The following INHBC variants were observed in gnomAD, a reference collection of about 807,000 sequenced individuals.
INHBC encodes inhibin subunit beta C.
A neutral mutation model predicts 12.4 loss-of-function variants in INHBC; 10 were observed. The observed-to-expected ratio is 0.81, with a 90% CI of 0.50 to 1.37. The LOEUF is 1.37. Among genes scored for constraint, INHBC ranks in the 40% most tolerant of loss-of-function variants. INHBC has a pLI of 0.00. For missense variants in INHBC, 382 were observed against 439.4 expected, an observed-to-expected ratio of 0.87 and a Z score of 1.17; for synonymous variants, 147 against 171.6, an observed-to-expected ratio of 0.86 and a Z score of 1.12.
intron 1 of INHBC, among the ~76,000 whole-genome samples, chr12:57,438,238 C>T: frequency 6.6e-6 from 1 of 152,114 alleles, no homozygotes; most frequent in East Asian, 1.9e-4. Flanking sequence ...ATTAAATGGG[C>T]TAATACAGGT....
chr12:57,439,965 C>A (rs905342073), intron 1 of INHBC, among the ~76,000 whole-genome samples: 1 of 152,190 alleles, frequency 6.6e-6, no homozygotes. Context: ...CCTGCTTCAG[C>A]GTCCTGAGTA....
chr12:57,435,134 C>G lies in INHBC; in HGVS notation c.248C>G (p.Pro83Arg), dbSNP rs1308553120. ...RTALQHLHGV[P>R]QGALLEDNRE... ...GCACTGCAGCACCTCCACGGGGTCC[C>G]ACAGGGGGCACTTCTAGAGGACAAC... The change falls in exon 1 of 2, where the codon CCA becomes CGA. Residue 83 changes from proline (P) to arginine (R), a missense_variant. By Grantham distance (103) the Pro-to-Arg change is moderately radical. Transcript: ENST00000309668. The G allele has an allele frequency of 6.2e-7, 1 of 1,614,058 alleles. No individual in the cohort carries two copies. Among genetic ancestry groups the G allele is most frequent in the East Asian group, 2.2e-5 (1 of 44,902 alleles).
rs1054341101 is a variant in INHBC at position 57,450,144 on chromosome 12, G to T, written c.*122G>T. ...CAGAATGTGGACTCCCTCTTCCTGA[G>T]CATCTTATGGAAATTACCCCACCTT... On this transcript the variant is annotated 3_prime_UTR_variant, in exon 2 of 2. Transcript: ENST00000309668. The T allele has an allele frequency of 3.7e-5, 40 of 1,093,518 alleles. No homozygotes were observed. Among genetic ancestry groups the T allele is most frequent in the Non-Finnish European group, 4.7e-5 (38 of 810,208 alleles). 67.7% of individuals were successfully genotyped at this position (1,093,518 alleles called of 1,614,324 possible). A position where few individuals can be genotyped will look rare whatever the true frequency, so the allele number is the denominator to read the frequency against.
At chr12:57,446,228 A>G (rs1248535447) in intron 1 of INHBC, among the ~76,000 whole-genome samples, 1 of 151,834 alleles carries the variant, frequency 6.6e-6, no homozygotes, top group African/African-American at 2.4e-5. Flanking sequence ...GAGCCACCAC[A>G]CCCGGCCTAA....
rs1344568722 is a variant in INHBC, at chr12:57,435,067, C to G, written c.181C>G (p.Pro61Ala). The G allele has an allele frequency of 6.2e-7, 1 of 1,614,198 alleles. No homozygotes were observed. Among genetic ancestry groups the G allele is most frequent in the Admixed American group, 1.7e-5 (1 of 60,016 alleles). The change falls in exon 1 of 2, where the codon CCA (proline) becomes GCA (alanine). Residue 61 changes from proline to alanine, a missense_variant. Transcript: ENST00000309668. The stretch of plus-strand genomic sequence containing the variant: ...GGACAAGCTGCACCTCACCCAGCGC[C>G]CAACACTGAACCGCCCTGTGTCCAG... The part of the protein sequence containing the change: ...ILDKLHLTQR[P>A]TLNRPVSRAA...
At chr12:57,449,139 C>T (rs753922340) in intron 1 of INHBC, 138 bp from the exon 2 acceptor site, 10 of 1,142,386 alleles carry the variant, frequency 8.8e-6, no homozygotes, top group Non-Finnish European at 1.2e-5. Context: ...ATTTCCAGCA[C>T]ATGAACTTTG....
At chr12:57,441,571 G>A (rs754918762) in intron 1 of INHBC, among the ~76,000 whole-genome samples, 1 of 147,434 alleles carries the variant, frequency 6.8e-6, no homozygotes, top group Non-Finnish European at 1.5e-5. Context: ...TTAGGTTTTT[G>A]TGATGGTAGC....
intron 1 of INHBC, among the ~76,000 whole-genome samples, chr12:57,443,272 C>T (rs1870507423): frequency 6.6e-6 from 1 of 151,106 alleles, no homozygotes; most frequent in African/African-American, 2.4e-5. Context: ...GGCGTGCCAC[C>T]ATGCCCAGCT....
intron 1 of INHBC, among the ~76,000 whole-genome samples, chr12:57,436,727 C>T (rs955421932): frequency 2.0e-5 from 3 of 151,594 alleles, no homozygotes; most frequent in African/African-American, 4.9e-5. Flanking sequence ...AGTGCAGTGG[C>T]GCGATCTTGG....
chr12:57,450,757 G>A lies in INHBC; in HGVS notation c.*735G>A, dbSNP rs1452239286. On this transcript the variant is annotated 3_prime_UTR_variant, in exon 2 of 2. Transcript: ENST00000309668. ...CTAGGTGTCATGGTTCTGTGTAACTGTGGCTATTCTGTGTCCCTACACTAC... is the reference window on the plus strand; with the variant it reads ...CTAGGTGTCATGGTTCTGTGTAACTATGGCTATTCTGTGTCCCTACACTAC... 1 of 152,248 alleles carries A rather than the reference G, an allele frequency of 6.6e-6. No homozygotes were observed. The highest frequency in any genetic ancestry group is 1.5e-5 in the Non-Finnish European group (1 of 68,236). 9.4% of individuals were successfully genotyped at this position (152,248 alleles called of 1,614,324 possible).
At chr12:57,437,683 AAAG>A (rs1345391880) in intron 1 of INHBC, among the ~76,000 whole-genome samples, 17 of 151,102 alleles carry the variant, frequency 1.1e-4, no homozygotes, top group African/African-American at 3.4e-4. Context: ...AAAAAAAAAA[AAAG>A]AAAGAAAGAA....
In INHBC at chr12:57,441,051, A is replaced by AAACAAACAAAC. The variant is rs1261724297; in HGVS notation, c.313+5855_313+5865dup. Among the ~76,000 whole-genome samples, 34 of 152,156 alleles carry AAACAAACAAAC rather than the reference A, an allele frequency of 2.2e-4. 1 individual carries two copies. Among genetic ancestry groups the AAACAAACAAAC allele is most frequent in the Non-Finnish European group, 4.9e-4 (33 of 68,022 alleles). On this transcript the variant is annotated intron_variant, in intron 1 of 1. Coordinates refer to ENST00000309668, the MANE Select transcript of INHBC (RefSeq NM_005538.4). ...AGCAAGATGTTTCTTTAAAACAAAC[A>AAACAAACAAAC]AACAAACAAACAAAACAAAAAGCCG...
Position 57,449,822 on chromosome 12 carries a change from A to G in INHBC, c.859A>G (p.Met287Val). 6.2e-7 allele frequency: 1 copy of G among 1,613,376 alleles called. No individual in the cohort carries two copies. Among genetic ancestry groups the G allele is most frequent in the Non-Finnish European group, 8.5e-7 (1 of 1,179,474 alleles). ...GCAGTGCCCACTACACATAGCAGGC[A>G]TGCCTGGTATTGCTGCCTCCTTTCA... The part of the protein sequence containing the change: ...IGQCPLHIAG[M>V]PGIAASFHTA... Residue 287 changes from methionine (M) to valine (V), a missense_variant, in exon 2 of 2, where the codon ATG (methionine) becomes GTG (valine). Coordinates refer to ENST00000309668, the MANE Select transcript of INHBC (RefSeq NM_005538.4).
Position 57,449,689 on chromosome 12 carries a change from AG to A in INHBC, c.729del (p.Ser244ProfsTer30). On this transcript the variant is annotated frameshift_variant, in exon 2 of 2. Coordinates refer to ENST00000309668, the MANE Select transcript of INHBC (RefSeq NM_005538.4). LOFTEE classifies it high-confidence loss of function. ...ACCGACGAGGCATCGACTGCCAAGG[AG>A]GGTCCAGGATGTGCTGTCGACAAGA... Reference protein sequence around the residue: ...IHRRGIDCQGGSRMCCRQEFF... With the variant: ...IHRRGIDCQGXSRMCCRQEFF... 6.2e-7 allele frequency: 1 copy of A among 1,614,250 alleles called. No homozygotes were observed. The highest frequency in any genetic ancestry group is 8.5e-7 in the Non-Finnish European group (1 of 1,180,044).
At chr12:57,441,303 G>A (rs553271684) in intron 1 of INHBC, among the ~76,000 whole-genome samples, 6 of 133,492 alleles carry the variant, frequency 4.5e-5, no homozygotes, top group East Asian at 2.4e-4. Flanking sequence ...GCAGTGAGCC[G>A]AGTTCGTGCC....
chr12:57,449,138 A>G, intron 1 of INHBC, 139 bp from the exon 2 acceptor site: 1 of 1,125,472 alleles, frequency 8.9e-7, no homozygotes, highest in Non-Finnish European at 1.3e-6. Context: ...AATTTCCAGC[A>G]CATGAACTTT....
rs756892050 is a variant in INHBC at position 57,449,642 on chromosome 12, G to T, written c.679G>T (p.Val227Phe). Residue 227 changes from valine to phenylalanine, a missense_variant, in exon 2 of 2, where the codon GTT becomes TTT. Physicochemically the swap from Val to Phe is conservative, Grantham distance 50 (BLOSUM62 -1). Transcript: ENST00000309668. Reference protein sequence around the residue: ...HRPFVAARVRVGGKHQIHRRG... With the variant: ...HRPFVAARVRFGGKHQIHRRG... ...GCCTTTTGTGGCAGCCCGGGTGAGA[G>T]TTGGGGGCAAACACCAGATTCACCG... 1 of 1,614,244 alleles carries T rather than the reference G, an allele frequency of 6.2e-7. No homozygotes were observed. The highest frequency in any genetic ancestry group is 1.7e-5 in the Admixed American group (1 of 60,028).
chr12:57,436,420 C>T (rs1870338790), intron 1 of INHBC, among the ~76,000 whole-genome samples: 1 of 151,154 alleles, frequency 6.6e-6, no homozygotes, highest in Non-Finnish European at 1.5e-5. Flanking sequence ...GCCTCGGCCT[C>T]CCAAAGTGCT....
chr12:57,442,764 C>T (rs1034288108), intron 1 of INHBC, among the ~76,000 whole-genome samples: 1 of 151,912 alleles, frequency 6.6e-6, no homozygotes, highest in Non-Finnish European at 1.5e-5. Flanking sequence ...TTGAGGTGGG[C>T]GGGTCACCTA....
Sources: allele counts gnomAD v4.1 joint callset (sites outside exome capture counted in the v4.1 genomes callset), GRCh38; gene constraint gnomAD v4.1.1; transcripts MANE v1.5; gene names NCBI Gene and HGNC (gene_info 2026-07-23, HGNC 2026-07-21).